The following XRCC1 variants were observed in gnomAD, a reference collection of about 807,000 sequenced individuals.
The protein encoded by XRCC1 is DNA repair protein XRCC1.
Under a neutral mutation model 83.3 loss-of-function variants are expected in XRCC1, and 52 were observed. The ratio of observed to expected loss-of-function variants is 0.62; its 90% CI spans 0.50 to 0.79. The LOEUF (loss-of-function observed/expected upper bound fraction) is 0.79, where lower values mean the gene tolerates loss of function less well. Ranked by LOEUF, XRCC1 falls within the 30% of genes least tolerant of loss-of-function variation. The pLI, the probability that XRCC1 is intolerant of heterozygous loss-of-function variation, is 0.00. For missense variants in XRCC1, 793 were observed against 823.5 expected (o/e 0.96, Z 0.45); for synonymous variants, 281 against 312.6 (o/e 0.90, Z 1.07).
In XRCC1 at chr19:43,553,212, C is replaced by G. The variant is rs1972600483; in HGVS notation, c.602-121G>C. 4.1e-6 allele frequency: 5 copies of G among 1,219,320 alleles called. No individual in the cohort carries two copies. In the Admixed American group the frequency reaches 6.5e-5, roughly 16 times the overall value. The allele number at this position is 1,219,320 out of a possible 1,614,324, so 75.5% of individuals were successfully genotyped here. ...ACCAGTGATCCAGGAGTCCCAGCCTCCAGACCTCTCAACCCTCAGGACACA... is the reference window on the plus strand; with the variant it reads ...ACCAGTGATCCAGGAGTCCCAGCCTGCAGACCTCTCAACCCTCAGGACACA... On this transcript the variant is annotated intron_variant, in intron 6 of 16. Transcript: ENST00000262887.
chr19:43,552,957 C>T, intron 7 of XRCC1, 25 bp downstream of exon 7: 1 of 1,608,570 alleles, frequency 6.2e-7, no homozygotes, highest in Non-Finnish European at 8.5e-7. Flanking sequence ...TCCTCCTCCA[C>T]CCCACCAAAG....
intron 2 of XRCC1, among the ~76,000 whole-genome samples, chr19:43,570,067 C>T (rs954038819): frequency 6.6e-6 from 1 of 152,190 alleles, no homozygotes; most frequent in Non-Finnish European, 1.5e-5. Flanking sequence ...TGCAAAGAGT[C>T]ACTGAGCTGT....
intron 2 of XRCC1, among the ~76,000 whole-genome samples, chr19:43,568,935 C>G (rs996563150): frequency 6.6e-6 from 1 of 151,004 alleles, no homozygotes; most frequent in African/African-American, 2.4e-5. Flanking sequence ...TGTCTGTAAT[C>G]CCTGTAATCC....
chr19:43,551,842 G>A (rs553009684), intron 9 of XRCC1, among the ~76,000 whole-genome samples, 155 bp from the exon 10 acceptor site: 1 of 152,320 alleles, frequency 6.6e-6, no homozygotes, highest in East Asian at 1.9e-4. Flanking sequence ...GAGACCAAGG[G>A]AGAGATGCAA....
In XRCC1 at chr19:43,543,704, A is replaced by G; in HGVS notation, c.1713-17T>C. 8.7e-6 allele frequency: 14 copies of G among 1,612,886 alleles called. No homozygotes were observed. Among genetic ancestry groups the G allele is most frequent in the Non-Finnish European group, 1.2e-5 (14 of 1,179,074 alleles). On this transcript the variant is annotated splice_polypyrimidine_tract_variant and intron_variant, in intron 15 of 16. Transcript: ENST00000262887. ...TCGAGCTCCCTGGCGGGAGAGAAGA[A>G]AAGAGGTAGAAGGCACATCAGGGAA...
chr19:43,553,995 C>T (rs1475037398), intron 4 of XRCC1, among the ~76,000 whole-genome samples: 1 of 152,278 alleles, frequency 6.6e-6, no homozygotes, highest in East Asian at 1.9e-4. Flanking sequence ...GGGAGTGCTG[C>T]GTGCCACTTC....
At chr19:43,544,028 G>T in intron 15 of XRCC1, 116 bp downstream of exon 15, 3 of 1,026,716 alleles carry the variant, frequency 2.9e-6, no homozygotes, top group Non-Finnish European at 2.9e-6. Flanking sequence ...GCTGGGCATG[G>T]CCCTTCTCCA....
chr19:43,546,648 T>C lies in XRCC1; in HGVS notation c.1373A>G (p.Lys458Arg). 1 of 1,611,860 alleles carries C rather than the reference T, an allele frequency of 6.2e-7. No individual in the cohort carries two copies. Among genetic ancestry groups the C allele is most frequent in the Non-Finnish European group, 8.5e-7 (1 of 1,179,420 alleles). ...PQKPPTPEET[K>R]AASPVLQEDI... ...TTCCTGGAGCACTGGTGAGGCTGCT[T>C]TGGTCTCTTCAGGGGTTGGGGGCTT... The change falls in exon 12 of 17, where the codon AAA becomes AGA. Residue 458 changes from lysine to arginine, a missense_variant. Transcript: ENST00000262887.
At chr19:43,544,269 G>T in intron 14 of XRCC1, 35 bp from the exon 15 acceptor site, 1 of 1,557,524 alleles carries the variant, frequency 6.4e-7, no homozygotes, top group Non-Finnish European at 8.8e-7. Flanking sequence ...TAAGCATGAG[G>T]CCCCAGGAGT....
chr19:43,553,730 G>C, intron 4 of XRCC1, 47 bp from the exon 5 acceptor site: 2 of 1,456,400 alleles, frequency 1.4e-6, no homozygotes, highest in Non-Finnish European at 1.9e-6. Context: ...CAAGGACAGA[G>C]GCCAGGGCCC....
At position 43,560,996 on chromosome 19, in the gene XRCC1, T is replaced by G; in HGVS notation, c.169A>C (p.Ser57Arg). ...LQLEKEEQIH[S>R]VDIGNDGSAF... Reference sequence around the variant, plus strand: ...GAGCCATCATTCCCAATGTCCACACTGTGTATCTGCTCCTCCTTCTCCAAC... The same window carrying G: ...GAGCCATCATTCCCAATGTCCACACGGTGTATCTGCTCCTCCTTCTCCAAC... Residue 57 changes from serine (S) to arginine (R), a missense_variant, in exon 3 of 17, where the codon AGT becomes CGT. By Grantham distance (110) the Ser-to-Arg change is moderately radical. Coordinates refer to ENST00000262887, the MANE Select transcript of XRCC1 (RefSeq NM_006297.3). 6.2e-7 allele frequency: 1 copy of G among 1,614,182 alleles called. No homozygotes were observed. The highest frequency in any genetic ancestry group is 8.5e-7 in the Non-Finnish European group (1 of 1,180,008).
chr19:43,552,305 G>C, intron 8 of XRCC1, 30 bp from the exon 9 acceptor site: 1 of 1,510,530 alleles, frequency 6.6e-7, no homozygotes, highest in Non-Finnish European at 9.0e-7. Context: ...GATTAGGTTA[G>C]CACCACTGGG....
rs542418169 is a variant in XRCC1, at chr19:43,543,794, CGCCTCTAGGTT to C, written c.1713-118_1713-108del. 3.1e-4 allele frequency: 326 copies of C among 1,047,162 alleles called. 1 individual carries two copies. In the African/African-American group the frequency reaches 4.6e-3, roughly 15 times the overall value. 64.9% of individuals were successfully genotyped at this position (1,047,162 alleles called of 1,614,324 possible). On this transcript the variant is annotated intron_variant, in intron 15 of 16. Coordinates refer to ENST00000262887, the MANE Select transcript of XRCC1 (RefSeq NM_006297.3). ...TGTCCCCACACTGTCCCCACCTATG[CGCCTCTAGGTT>C]GCCTCTAGGCTCCATTCTTTCATGT... is the stretch of plus-strand genomic sequence containing the variant.
At chr19:43,561,350 AT>A (rs1972697269) in intron 2 of XRCC1, among the ~76,000 whole-genome samples, 1 of 152,124 alleles carries the variant, frequency 6.6e-6, no homozygotes, top group Non-Finnish European at 1.5e-5. Context: ...TTATAACTTT[AT>A]TCAAATCATC....
At chr19:43,551,832 G>A (rs1972579019) in intron 9 of XRCC1, 145 bp from the exon 10 acceptor site, 1 of 988,484 alleles carries the variant, frequency 1.0e-6, no homozygotes, top group Non-Finnish European at 1.5e-6. Context: ...AAAGAGGTTG[G>A]AGACCAAGGG....
At chr19:43,550,440 G>C (rs1972563711) in intron 10 of XRCC1, among the ~76,000 whole-genome samples, 1 of 152,128 alleles carries the variant, frequency 6.6e-6, no homozygotes, top group Admixed American at 6.5e-5. Flanking sequence ...GGAGCCCAGT[G>C]TGTAGCCTGG....
At chr19:43,571,283 C>T (rs1338358056) in intron 2 of XRCC1, among the ~76,000 whole-genome samples, 1 of 152,186 alleles carries the variant, frequency 6.6e-6, no homozygotes, top group Non-Finnish European at 1.5e-5. Context: ...GAGTCTTTTC[C>T]CTAGATACAT....
At chr19:43,543,732 A>G (rs1320291868) in intron 15 of XRCC1, 45 bp from the exon 16 acceptor site, 1 of 1,571,988 alleles carries the variant, frequency 6.4e-7, no homozygotes, top group Non-Finnish European at 8.7e-7. Context: ...TCAGGGAATC[A>G]GCACTGACGT....
intron 7 of XRCC1, 23 bp from the exon 8 acceptor site, chr19:43,552,931 A>G (rs1252410913): frequency 1.2e-6 from 2 of 1,611,776 alleles, no homozygotes; most frequent in Non-Finnish European, 1.7e-6. Context: ...GGATGGATTG[A>G]GGCCTCCAGC....
Sources: gnomAD v4.1 joint callset for allele counts (sites outside exome capture counted in the v4.1 genomes callset) on GRCh38, gnomAD v4.1.1 for gene constraint, MANE v1.5 for transcripts, NCBI Gene and HGNC (gene_info 2026-07-23, HGNC 2026-07-21) for gene names.